PDSS2: variants seen among roughly 807,000 people sequenced by gnomAD.
PDSS2 encodes the protein all trans-polyprenyl-diphosphate synthase PDSS2.
A neutral mutation model predicts 44.5 loss-of-function variants in PDSS2; 31 were observed. The ratio of observed to expected loss-of-function variants is 0.70; its 90% CI spans 0.52 to 0.94. PDSS2 has a LOEUF of 0.94. Ranked by LOEUF, PDSS2 falls within the 40% of genes least tolerant of loss-of-function variation. PDSS2 has a pLI of 0.00. For missense variants in PDSS2, 452 were observed against 482.2 expected, an observed-to-expected ratio of 0.94 and a Z score of 0.59; for synonymous variants, 157 against 180.3, an observed-to-expected ratio of 0.87 and a Z score of 1.03.
Position 107,231,984 on chromosome 6 carries a change from T to C in PDSS2, c.702+13564A>G, listed in dbSNP as rs578068192. ...TCTCAAAAAAAAAAAAAAAAAATTA[T>C]CACCCTTCCCTAGTAAAGCCCCAGC... is the stretch of plus-strand genomic sequence containing the variant. On this transcript the variant is annotated intron_variant, in intron 4 of 7. Coordinates refer to ENST00000369037, the MANE Select transcript of PDSS2 (RefSeq NM_020381.4). Among the ~76,000 whole-genome samples, 136 of 149,636 alleles carry C rather than the reference T, an allele frequency of 9.1e-4. No homozygotes were observed. In the Middle Eastern group the frequency reaches 0.01, roughly 11 times the overall value.
At chr6:107,387,895 T>G (rs1779658803) in intron 1 of PDSS2, among the ~76,000 whole-genome samples, 1 of 152,234 alleles carries the variant, frequency 6.6e-6, no homozygotes, top group Non-Finnish European at 1.5e-5. Context: ...CTGAAGAAAG[T>G]TAGCAGACAA....
chr6:107,193,435 C>T (rs116361092), intron 7 of PDSS2, among the ~76,000 whole-genome samples: 188 of 152,304 alleles, frequency 1.2e-3, no homozygotes, highest in Non-Finnish European at 2.2e-3. Flanking sequence ...ATCCACACCC[C>T]ATAGCATCTT....
chr6:107,367,000 AC>A (rs1168585758), intron 1 of PDSS2, among the ~76,000 whole-genome samples: 1 of 152,146 alleles, frequency 6.6e-6, no homozygotes, highest in Non-Finnish European at 1.5e-5. Context: ...ACTTACCCTA[AC>A]ACCAAAGCCA....
chr6:107,379,612 T>C (rs1035663050), intron 1 of PDSS2, among the ~76,000 whole-genome samples: 96 of 152,216 alleles, frequency 6.3e-4, no homozygotes, highest in African/African-American at 2.3e-3. Context: ...ACATAACTTG[T>C]TATCTTTATT....
At chr6:107,233,999 T>C (rs1333302312) in intron 4 of PDSS2, among the ~76,000 whole-genome samples, 1 of 152,088 alleles carries the variant, frequency 6.6e-6, no homozygotes, top group African/African-American at 2.4e-5. Context: ...AGATTCTGTC[T>C]CTAAAAAACA....
chr6:107,223,512 G>C (rs899202423), intron 4 of PDSS2, among the ~76,000 whole-genome samples: 1 of 150,912 alleles, frequency 6.6e-6, no homozygotes, highest in Non-Finnish European at 1.5e-5. Context: ...TCCAGGATGG[G>C]TGACAGAGTG....
chr6:107,338,448 TAAAC>T (rs1342024476), intron 1 of PDSS2, among the ~76,000 whole-genome samples: 2 of 152,222 alleles, frequency 1.3e-5, no homozygotes, highest in African/African-American at 4.8e-5. Flanking sequence ...GGCTTGGTGC[TAAAC>T]AGACAGTGGA....
intron 2 of PDSS2, among the ~76,000 whole-genome samples, chr6:107,290,716 C>T (rs1776316127): frequency 6.6e-6 from 1 of 152,226 alleles, no homozygotes; most frequent in South Asian, 2.1e-4. Context: ...CTCTTGAGGT[C>T]TCTGCAAAAG....
chr6:107,285,315 A>T (rs1442752551), intron 2 of PDSS2, among the ~76,000 whole-genome samples: 1 of 152,174 alleles, frequency 6.6e-6, no homozygotes, highest in Non-Finnish European at 1.5e-5. Context: ...GCCGTTCTAG[A>T]TTTTAAATCT....
intron 4 of PDSS2, among the ~76,000 whole-genome samples, chr6:107,218,358 C>A (rs1282862119): frequency 6.6e-6 from 1 of 152,162 alleles, no homozygotes; most frequent in Non-Finnish European, 1.5e-5. Flanking sequence ...CTCTAGGAGG[C>A]CTCTGCACTT....
At chr6:107,390,685 A>G (rs542668875) in intron 1 of PDSS2, among the ~76,000 whole-genome samples, 4 of 152,288 alleles carry the variant, frequency 2.6e-5, no homozygotes, top group Middle Eastern at 3.4e-3. Context: ...AGAGGAAACT[A>G]GGTGAGGGTA....
chr6:107,366,570 A>C (rs1778966181), intron 1 of PDSS2, among the ~76,000 whole-genome samples: 1 of 152,024 alleles, frequency 6.6e-6, no homozygotes, highest in Non-Finnish European at 1.5e-5. Flanking sequence ...AAATCAATGA[A>C]ACCATAAAGT....
chr6:107,385,983 CAG>C (rs1779600114), intron 1 of PDSS2, among the ~76,000 whole-genome samples: 2 of 152,112 alleles, frequency 1.3e-5, no homozygotes, highest in South Asian at 4.1e-4. Flanking sequence ...GTTAAGTAAA[CAG>C]AATTTCTGCC....
intron 6 of PDSS2, among the ~76,000 whole-genome samples, chr6:107,209,261 T>C (rs1213797465): frequency 6.6e-6 from 1 of 152,182 alleles, no homozygotes; most frequent in Non-Finnish European, 1.5e-5. Flanking sequence ...TCTTTTCCTA[T>C]TCTGCTTCAG....
chr6:107,199,821 G>T (rs1772708470), intron 6 of PDSS2, among the ~76,000 whole-genome samples: 1 of 152,130 alleles, frequency 6.6e-6, no homozygotes, highest in Non-Finnish European at 1.5e-5. Context: ...AGGAAAGCTG[G>T]ATGTTTTTGT....
chr6:107,407,236 T>C (rs561940257), intron 1 of PDSS2, among the ~76,000 whole-genome samples: 3 of 152,212 alleles, frequency 2.0e-5, no homozygotes, highest in Non-Finnish European at 4.4e-5. Flanking sequence ...ATATGTGGTA[T>C]ATAGAACAGA....
intron 7 of PDSS2, among the ~76,000 whole-genome samples, chr6:107,162,174 C>G (rs1771156180): frequency 6.6e-6 from 1 of 152,098 alleles, no homozygotes; most frequent in Admixed American, 6.6e-5. Flanking sequence ...ACTATTGTCA[C>G]AGCTAGGAAA....
intron 1 of PDSS2, among the ~76,000 whole-genome samples, chr6:107,395,478 G>C (rs1259943829): frequency 6.6e-6 from 1 of 151,940 alleles, no homozygotes; most frequent in Non-Finnish European, 1.5e-5. Context: ...TTCTGTCTAT[G>C]CTTCATATTC....
intron 4 of PDSS2, among the ~76,000 whole-genome samples, chr6:107,239,809 T>G (rs1170774450): frequency 1.3e-5 from 2 of 151,876 alleles, no homozygotes; most frequent in Non-Finnish European, 2.9e-5. Flanking sequence ...GCCCAGCTAA[T>G]TTTTGTATTT....
Sources: allele counts gnomAD v4.1 joint callset (sites outside exome capture counted in the v4.1 genomes callset), GRCh38; gene constraint gnomAD v4.1.1; transcripts MANE v1.5; gene names NCBI Gene and HGNC (gene_info 2026-07-23, HGNC 2026-07-21).